Variants in PRKG1 observed in about 807,000 individuals in gnomAD.
PRKG1 encodes protein kinase cGMP-dependent 1.
PRKG1 carries 35 observed loss-of-function variants against 88.1 expected under a neutral mutation model. The ratio of observed to expected loss-of-function variants is 0.40; its 90% CI spans 0.30 to 0.53. The LOEUF (loss-of-function observed/expected upper bound fraction) is 0.53. PRKG1 is among the 20% of genes least tolerant of loss of function. PRKG1 has a pLI of 0.59. For missense variants in PRKG1, 540 were observed against 839.8 expected (o/e 0.64, Z 4.41); for synonymous variants, 303 against 292.5 (o/e 1.04, Z -0.37).
At chr10:51,606,909 C>T (rs1267749015) in intron 3 of PRKG1, among the ~76,000 whole-genome samples, 1 of 152,140 alleles carries the variant, frequency 6.6e-6, no homozygotes, top group African/African-American at 2.4e-5. Context: ...GCTACCCAAG[C>T]TAATCTGCTG....
chr10:51,561,648 A>G (rs1279924784), intron 3 of PRKG1, among the ~76,000 whole-genome samples: 3 of 152,098 alleles, frequency 2.0e-5, no homozygotes. Context: ...AGGGGTGGGG[A>G]GAGGAAAGTG....
intron 5 of PRKG1, among the ~76,000 whole-genome samples, chr10:52,001,497 A>G (rs1844597870): frequency 6.6e-6 from 1 of 151,940 alleles, no homozygotes; most frequent in South Asian, 2.1e-4. Context: ...TTTGTCAGTC[A>G]TACCTCAGTA....
In PRKG1 at chr10:52,181,028, G is replaced by A. The variant is rs1438717782; in HGVS notation, c.1076+19065G>A. Among the ~76,000 whole-genome samples, 4 of 152,338 alleles carry A rather than the reference G, an allele frequency of 2.6e-5. 1 individual carries two copies. Among genetic ancestry groups the A allele is most frequent in the Admixed American group, 1.3e-4 (2 of 15,310 alleles). On this transcript the variant is annotated intron_variant, in intron 9 of 17. Coordinates refer to ENST00000373980, the MANE Select transcript of PRKG1 (RefSeq NM_006258.4). The stretch of plus-strand genomic sequence containing the variant: ...GTGTAAGGCTGTTTGGCCAGCCTGG[G>A]TGTGTGTCTATCAGGGGCAGCCAAT...
At chr10:51,097,829 G>A (rs926473037) in intron 1 of PRKG1, among the ~76,000 whole-genome samples, 2 of 152,052 alleles carry the variant, frequency 1.3e-5, no homozygotes, top group South Asian at 2.1e-4. Flanking sequence ...TCTTCTTCCC[G>A]AGAGATTTTT....
intron 1 of PRKG1, among the ~76,000 whole-genome samples, chr10:51,001,344 G>A (rs1842886630): frequency 6.6e-6 from 1 of 152,156 alleles, no homozygotes; most frequent in Non-Finnish European, 1.5e-5. Context: ...ATTCCATCAT[G>A]TGGTATTTTA....
chr10:51,337,693 C>T (rs118181646), intron 2 of PRKG1, among the ~76,000 whole-genome samples: 2,370 of 152,196 alleles, frequency 0.016, 38 homozygotes, highest in Non-Finnish European at 0.024. Flanking sequence ...ATCAAAACCA[C>T]GATGAGATAC....
At chr10:52,267,253 TA>T (rs1273259212) in intron 10 of PRKG1, among the ~76,000 whole-genome samples, 1 of 136,298 alleles carries the variant, frequency 7.3e-6, no homozygotes. Flanking sequence ...GAGTTTACTT[TA>T]AAAAAAATTT....
intron 3 of PRKG1, among the ~76,000 whole-genome samples, chr10:51,563,239 C>A (rs1004738480): frequency 6.6e-6 from 1 of 152,032 alleles, no homozygotes; most frequent in Non-Finnish European, 1.5e-5. Context: ...GTGTTGTACA[C>A]CACTGTAGAT....
chr10:51,200,825 G>A (rs1043397040), intron 2 of PRKG1, among the ~76,000 whole-genome samples: 3 of 152,142 alleles, frequency 2.0e-5, no homozygotes, highest in African/African-American at 7.2e-5. Flanking sequence ...GGTTTAATAT[G>A]CTGCCTACTG....
chr10:52,044,001 A>G (rs1845809544), intron 5 of PRKG1, among the ~76,000 whole-genome samples: 5 of 151,902 alleles, frequency 3.3e-5, no homozygotes, highest in African/African-American at 1.2e-4. Flanking sequence ...AAGGATTCAG[A>G]TAGTCCAGGC....
At chr10:51,929,752 C>T (rs113697059) in intron 5 of PRKG1, among the ~76,000 whole-genome samples, 75 of 152,232 alleles carry the variant, frequency 4.9e-4, no homozygotes, top group African/African-American at 1.6e-3. Flanking sequence ...TCTAGATATT[C>T]TGGAGCTTCC....
intron 2 of PRKG1, among the ~76,000 whole-genome samples, chr10:51,301,923 C>T (rs1407730046): frequency 1.3e-5 from 2 of 152,188 alleles, no homozygotes; most frequent in African/African-American, 2.4e-5. Context: ...ACTGCCTTCT[C>T]TTCTCATGTG....
At chr10:51,249,341 T>C (rs1317561534) in intron 2 of PRKG1, among the ~76,000 whole-genome samples, 3 of 151,918 alleles carry the variant, frequency 2.0e-5, no homozygotes, top group Non-Finnish European at 4.4e-5. Flanking sequence ...CACTGAATAT[T>C]AACTTGAAAA....
intron 3 of PRKG1, among the ~76,000 whole-genome samples, chr10:51,546,269 C>T (rs1368712967): frequency 6.6e-6 from 1 of 151,956 alleles, no homozygotes; most frequent in Non-Finnish European, 1.5e-5. Flanking sequence ...TATAAGCACA[C>T]AAAATACTTC....
At chr10:52,107,090 GA>G (rs1276276506) in intron 7 of PRKG1, among the ~76,000 whole-genome samples, 2 of 152,168 alleles carry the variant, frequency 1.3e-5, no homozygotes, top group Non-Finnish European at 2.9e-5. Flanking sequence ...GACTGGCTAT[GA>G]GTGAGTTCTC....
intron 2 of PRKG1, among the ~76,000 whole-genome samples, chr10:51,215,893 G>C (rs1196464745): frequency 6.6e-6 from 1 of 152,202 alleles, no homozygotes. Context: ...GCCCTGAAAA[G>C]CACTACTTTT....
chr10:51,340,432 T>G (rs1841979425), intron 2 of PRKG1, among the ~76,000 whole-genome samples: 1 of 152,174 alleles, frequency 6.6e-6, no homozygotes, highest in Admixed American at 6.5e-5. Context: ...ATGTTAAGAT[T>G]GTATTTTTAT....
At chr10:51,835,254 G>A (rs976807483) in intron 4 of PRKG1, among the ~76,000 whole-genome samples, 6 of 152,206 alleles carry the variant, frequency 3.9e-5, no homozygotes, top group African/African-American at 1.4e-4. Context: ...AGGAAGTGCT[G>A]TTTTGAAGAA....
chr10:51,980,709 T>G (rs1217636923), intron 5 of PRKG1, among the ~76,000 whole-genome samples: 2 of 152,236 alleles, frequency 1.3e-5, no homozygotes, highest in African/African-American at 4.8e-5. Flanking sequence ...GTCTTCTTGT[T>G]GAATTGAACC....
Sources: allele counts gnomAD v4.1 joint callset (sites outside exome capture counted in the v4.1 genomes callset), GRCh38; gene constraint gnomAD v4.1.1; transcripts MANE v1.5; gene names NCBI Gene and HGNC (gene_info 2026-07-23, HGNC 2026-07-21).